CCDC91: variants seen among roughly 807,000 people sequenced by gnomAD.
CCDC91 encodes coiled-coil domain containing 91.
CCDC91 carries 48 observed loss-of-function variants against 63.2 expected under a neutral mutation model. The observed-to-expected ratio is 0.76, with a 90% CI of 0.60 to 0.97. The LOEUF is 0.97. CCDC91 is among the 50% of genes least tolerant of loss of function. The probability of loss-of-function intolerance (pLI) is 0.00; values close to 1 mark genes in which losing one functional copy is unlikely to be tolerated. For missense variants in CCDC91, 500 were observed against 494.6 expected (o/e 1.01, Z -0.10); for synonymous variants, 167 against 165.8 (o/e 1.01, Z -0.06).
intron 6 of CCDC91, among the ~76,000 whole-genome samples, chr12:28,309,276 T>C (rs1327536729): frequency 6.6e-6 from 1 of 152,042 alleles, no homozygotes; most frequent in Non-Finnish European, 1.5e-5. Context: ...GACTCACTGT[T>C]TATTCTTGAA....
At chr12:28,486,897 T>C (rs1352446839) in intron 12 of CCDC91, among the ~76,000 whole-genome samples, 1 of 152,022 alleles carries the variant, frequency 6.6e-6, no homozygotes, top group Non-Finnish European at 1.5e-5. Flanking sequence ...ATAAATCTAA[T>C]ACCTACCTTG....
At chr12:28,540,199 T>G (rs542201419) in intron 12 of CCDC91, among the ~76,000 whole-genome samples, 1 of 152,168 alleles carries the variant, frequency 6.6e-6, no homozygotes, top group Admixed American at 6.6e-5. Context: ...TAGTAAGTAG[T>G]CTGTTGTTTT....
chr12:28,441,671 CATATAT>C (rs1270460177), intron 8 of CCDC91, among the ~76,000 whole-genome samples: 2 of 145,982 alleles, frequency 1.4e-5, no homozygotes, highest in African/African-American at 5.2e-5. Flanking sequence ...ATATATATCT[CATATAT>C]ATCTCATGTG....
At chr12:28,394,326 T>C (rs539230041) in intron 8 of CCDC91, among the ~76,000 whole-genome samples, 21 of 151,886 alleles carry the variant, frequency 1.4e-4, no homozygotes, top group African/African-American at 4.6e-4. Flanking sequence ...ATTAGCCGGG[T>C]GTGGTGGCGG....
At chr12:28,461,123 G>A (rs894920361) in intron 11 of CCDC91, among the ~76,000 whole-genome samples, 1 of 151,856 alleles carries the variant, frequency 6.6e-6, no homozygotes, top group African/African-American at 2.4e-5. Flanking sequence ...CAAAAAAAAA[G>A]AACAGTAAAA....
rs1023580444 is a variant in CCDC91 at position 28,237,508 on chromosome 12, T to C, written c.-14-19694T>C. ...TACAGCAGAGAAGACAGTGTGAAGA[T>C]AGAGTAGAAAGAGATTTGAAGATAC... is the stretch of plus-strand genomic sequence containing the variant. On this transcript the variant is annotated intron_variant, in intron 1 of 12. Transcript: ENST00000536442. Among the ~76,000 whole-genome samples, 3 of 152,010 alleles carry C rather than the reference T, an allele frequency of 2.0e-5. 1 individual carries two copies. The South Asian group carries it at 6.2e-4, about 32-fold the overall frequency.
At chr12:28,391,270 C>G in intron 7 of CCDC91, 34 bp from the exon 8 acceptor site, 1 of 1,332,166 alleles carries the variant, frequency 7.5e-7, no homozygotes, top group Non-Finnish European at 1.1e-6. Flanking sequence ...CAAGTTTTGT[C>G]TGTGATCCAA....
At chr12:28,478,706 C>T (rs111693170) in intron 11 of CCDC91, among the ~76,000 whole-genome samples, 4 of 152,238 alleles carry the variant, frequency 2.6e-5, no homozygotes, top group African/African-American at 9.6e-5. Context: ...TTTTTGCAAT[C>T]TATTCATCTG....
intron 3 of CCDC91, among the ~76,000 whole-genome samples, chr12:28,267,836 T>A (rs189269106): frequency 0.058 from 1,565 of 26,764 alleles, 342 homozygotes; most frequent in Middle Eastern, 0.077. Context: ...AATATATAAT[T>A]ATATATAATT....
chr12:28,333,017 G>C (rs1941636046), intron 6 of CCDC91, among the ~76,000 whole-genome samples: 1 of 152,174 alleles, frequency 6.6e-6, no homozygotes, highest in Middle Eastern at 3.4e-3. Context: ...CTTGTTTATA[G>C]TATGACAGTT....
At chr12:28,467,090 A>C (rs1286300622) in intron 11 of CCDC91, among the ~76,000 whole-genome samples, 4 of 152,018 alleles carry the variant, frequency 2.6e-5, no homozygotes, top group Non-Finnish European at 2.9e-5. Context: ...ACCACACACA[A>C]AGAAAGGCCA....
intron 3 of CCDC91, among the ~76,000 whole-genome samples, chr12:28,303,173 G>A (rs1938266760): frequency 6.6e-6 from 1 of 152,098 alleles, no homozygotes; most frequent in Non-Finnish European, 1.5e-5. Context: ...GATACAACAA[G>A]TAGTATCTTA....
chr12:28,340,556 G>A (rs1319056211), intron 6 of CCDC91, among the ~76,000 whole-genome samples: 1 of 152,182 alleles, frequency 6.6e-6, no homozygotes, highest in Non-Finnish European at 1.5e-5. Context: ...AGAAATGGCT[G>A]TTTGAGTCTT....
intron 4 of CCDC91, 72 bp from the exon 5 acceptor site, chr12:28,306,670 C>T: frequency 9.6e-7 from 1 of 1,040,530 alleles, no homozygotes; most frequent in South Asian, 1.7e-5. Context: ...TTCTAGTGCC[C>T]TTTGGATGTT....
At chr12:28,370,257 C>A (rs1393903202) in intron 7 of CCDC91, among the ~76,000 whole-genome samples, 1 of 152,294 alleles carries the variant, frequency 6.6e-6, no homozygotes, top group South Asian at 2.1e-4. Context: ...AAAAAGTTCA[C>A]TTCTAGAATG....
chr12:28,320,136 CTT>C (rs953077424), intron 6 of CCDC91, among the ~76,000 whole-genome samples: 7 of 151,908 alleles, frequency 4.6e-5, no homozygotes, highest in Admixed American at 2.0e-4. Flanking sequence ...TATTTCATCT[CTT>C]ATAAATTTAA....
At chr12:28,383,507 C>T (rs1237178037) in intron 7 of CCDC91, among the ~76,000 whole-genome samples, 12 of 152,134 alleles carry the variant, frequency 7.9e-5, no homozygotes, top group Non-Finnish European at 1.3e-4. Context: ...TATCACTCTT[C>T]AGACAACTGT....
chr12:28,450,075 G>T lies in CCDC91; in HGVS notation c.763-86G>T, dbSNP rs1831990988. ...CCTTTTGTAACTACTTCAATTTTCT[G>T]GACAAATGAATTCTACCAGCTACTC... On this transcript the variant is annotated intron_variant, in intron 8 of 12. Coordinates refer to ENST00000536442, the MANE Select transcript of CCDC91 (RefSeq NM_018318.5). 4 of 733,550 alleles carry T rather than the reference G, an allele frequency of 5.5e-6. 1 individual carries two copies. In the Admixed American group the frequency reaches 1.1e-4, roughly 20 times the overall value. The allele number at this position is 733,550 out of a possible 1,614,324, so 45.4% of individuals were successfully genotyped here.
chr12:28,266,037 A>G (rs1465411948), intron 3 of CCDC91, among the ~76,000 whole-genome samples: 2 of 152,024 alleles, frequency 1.3e-5, no homozygotes, highest in Non-Finnish European at 1.5e-5. Flanking sequence ...TTTAACTCCT[A>G]GGTTATTAAC....
Sources: gnomAD v4.1 joint callset for allele counts (sites outside exome capture counted in the v4.1 genomes callset) on GRCh38, gnomAD v4.1.1 for gene constraint, MANE v1.5 for transcripts, NCBI Gene and HGNC (gene_info 2026-07-23, HGNC 2026-07-21) for gene names.